Variants in CDH17 observed in about 807,000 individuals in gnomAD.
The protein encoded by CDH17 is cadherin-17.
CDH17 carries 67 observed loss-of-function variants against 86.3 expected under a neutral mutation model. The ratio of observed to expected loss-of-function variants is 0.78; its 90% confidence interval spans 0.64 to 0.95. The LOEUF is 0.95. CDH17 is among the 40% of genes least tolerant of loss of function. CDH17 has a pLI of 0.00. For synonymous variants in CDH17, 367 were observed against 366.4 expected (o/e 1.00, Z -0.02); for missense variants, 993 against 1,017.6 (o/e 0.98, Z 0.33).
Position 94,165,887 on chromosome 8 carries a change from G to T in CDH17, c.1156C>A (p.Pro386Thr). 1 of 1,613,774 alleles carries T rather than the reference G, an allele frequency of 6.2e-7. No homozygotes were observed. The highest frequency in any genetic ancestry group is 8.5e-7 in the Non-Finnish European group (1 of 1,179,776). ...AAGAGTCCATCCATGGGAAGTTTGG[G>T]AGTTTGCTCCACAATCCTGTAGTTT... is the stretch of plus-strand genomic sequence containing the variant. ...FLNYRIVEQT[P>T]KLPMDGLFLI... Residue 386 changes from proline to threonine, a missense_variant, in exon 10 of 18, where the codon CCC becomes ACC. By Grantham distance (38) the Pro-to-Thr change is conservative. Transcript: ENST00000027335.
chr8:94,191,005 C>T (rs1663016922), intron 2 of CDH17, among the ~76,000 whole-genome samples: 1 of 152,198 alleles, frequency 6.6e-6, no homozygotes, highest in South Asian at 2.1e-4. Context: ...CAAGCCCTCT[C>T]CTTTTCTTCC....
chr8:94,131,320 G>T (rs143615212), intron 15 of CDH17, among the ~76,000 whole-genome samples: 1 of 152,152 alleles, frequency 6.6e-6, no homozygotes, highest in Non-Finnish European at 1.5e-5. Context: ...GGAAAGACAG[G>T]GTTAGGTTTC....
intron 7 of CDH17, among the ~76,000 whole-genome samples, chr8:94,171,269 A>T (rs1813264964): frequency 6.6e-6 from 1 of 152,180 alleles, no homozygotes; most frequent in African/African-American, 2.4e-5. Context: ...TGGAAGTCTG[A>T]CTGTGAAAGC....
At chr8:94,180,943 CAAAAAAA>C (rs59930370) in intron 3 of CDH17, among the ~76,000 whole-genome samples, 1 of 69,782 alleles carries the variant, frequency 1.4e-5, no homozygotes, top group Non-Finnish European at 3.2e-5. Flanking sequence ...ACAAACAAAC[CAAAAAAA>C]AAAAAAAAAA....
intron 10 of CDH17, 75 bp from the exon 11 acceptor site, chr8:94,162,237 T>C (rs1813068135): frequency 1.0e-6 from 1 of 994,894 alleles, no homozygotes; most frequent in Non-Finnish European, 1.6e-6. Context: ...TGCAAGAAAA[T>C]ACTTGGCAAG....
chr8:94,134,513 AT>A (rs1179164552), intron 15 of CDH17, among the ~76,000 whole-genome samples: 2 of 151,988 alleles, frequency 1.3e-5, no homozygotes, highest in African/African-American at 2.4e-5. Flanking sequence ...TCCCTTTATC[AT>A]TTTTTTATTG....
chr8:94,197,070 C>T (rs1343939075), intron 1 of CDH17, among the ~76,000 whole-genome samples: 2 of 152,162 alleles, frequency 1.3e-5, no homozygotes, highest in East Asian at 1.9e-4. Flanking sequence ...CACTCGGGCA[C>T]CCCCCTCTAT....
chr8:94,179,880 C>A (rs1412184517), intron 3 of CDH17, among the ~76,000 whole-genome samples: 1 of 152,058 alleles, frequency 6.6e-6, no homozygotes, highest in Non-Finnish European at 1.5e-5. Context: ...CTAGAGTTGC[C>A]ACATCACATT....
At chr8:94,151,211 A>AGAT (rs1364706547) in intron 13 of CDH17, among the ~76,000 whole-genome samples, 1 of 152,124 alleles carries the variant, frequency 6.6e-6, no homozygotes, top group Non-Finnish European at 1.5e-5. Flanking sequence ...GATATTATAC[A>AGAT]GATATATACA....
rs183785186 is a variant in CDH17, at chr8:94,174,388, T to A, written c.425-128A>T. 139 of 888,284 alleles carry A rather than the reference T, an allele frequency of 1.6e-4. No individual in the cohort carries two copies. In the African/African-American group the frequency reaches 2.2e-3, roughly 14 times the overall value. 55.0% of individuals were successfully genotyped at this position (888,284 alleles called of 1,614,324 possible). Reference sequence around the variant, plus strand: ...GGAAAGGTATGACAATTCACACCAGTGGGGAAATAAATATTTATCCCACTC... The same window carrying A: ...GGAAAGGTATGACAATTCACACCAGAGGGGAAATAAATATTTATCCCACTC... On this transcript the variant is annotated intron_variant, in intron 5 of 17. Transcript: ENST00000027335.
intron 15 of CDH17, among the ~76,000 whole-genome samples, chr8:94,135,973 A>G (rs1812515328): frequency 6.6e-6 from 1 of 152,198 alleles, no homozygotes; most frequent in Admixed American, 6.5e-5. Flanking sequence ...AGAACGTTGA[A>G]TATTGGCCCC....
At chr8:94,129,716 A>G (rs868183453) in intron 17 of CDH17, among the ~76,000 whole-genome samples, 1 of 152,170 alleles carries the variant, frequency 6.6e-6, no homozygotes, top group African/African-American at 2.4e-5. Context: ...TAATCTGAAA[A>G]TCTCAAATCT....
At chr8:94,143,509 CTTT>C (rs138196219) in intron 15 of CDH17, among the ~76,000 whole-genome samples, 2,171 of 152,280 alleles carry the variant, frequency 0.014, 63 homozygotes, top group African/African-American at 0.049. Context: ...CCAGCCTGTC[CTTT>C]GAGGCTTTGA....
chr8:94,189,449 G>A (rs375144319), intron 2 of CDH17, among the ~76,000 whole-genome samples, 164 bp from the exon 3 acceptor site: 11 of 152,142 alleles, frequency 7.2e-5, no homozygotes, highest in South Asian at 2.1e-4. Context: ...GCTCTACCAC[G>A]TCAAAGTAGC....
chr8:94,170,282 T>G, intron 9 of CDH17, 115 bp downstream of exon 9: 1 of 1,061,392 alleles, frequency 9.4e-7, no homozygotes, highest in East Asian at 2.4e-5. Flanking sequence ...TCAACCTCTA[T>G]GCTGTGGAAG....
chr8:94,189,378 C>T, intron 2 of CDH17, 93 bp from the exon 3 acceptor site: 1 of 841,006 alleles, frequency 1.2e-6, no homozygotes, highest in Non-Finnish European at 1.9e-6. Flanking sequence ...ATATACAAAA[C>T]ATAGGATTCT....
At chr8:94,161,246 G>T (rs1451440040) in intron 11 of CDH17, among the ~76,000 whole-genome samples, 4 of 152,168 alleles carry the variant, frequency 2.6e-5, no homozygotes, top group Non-Finnish European at 5.9e-5. Context: ...TTTGATGCCT[G>T]CTGAACCTCA....
rs191560674 is a variant in CDH17 at position 94,145,037 on chromosome 8, C to T, written c.2167+891G>A. ...CTGGGAGAATGCTGAGCAACTGGAC[C>T]TCTCACACACTGGTGGGAATGTAAA... On this transcript the variant is annotated intron_variant, in intron 15 of 17. Transcript: ENST00000027335. 2.3e-3 allele frequency among the ~76,000 whole-genome samples: 348 copies of T among 152,290 alleles called. 1 individual carries two copies. Among genetic ancestry groups the T allele is most frequent in the Non-Finnish European group, 4.0e-3 (274 of 68,014 alleles).
At chr8:94,132,534 T>C (rs1812440115) in intron 15 of CDH17, among the ~76,000 whole-genome samples, 1 of 152,172 alleles carries the variant, frequency 6.6e-6, no homozygotes, top group Non-Finnish European at 1.5e-5. Context: ...TCTTGTAAAT[T>C]TGTTTGAGTT....
Sources: gnomAD v4.1 joint callset for allele counts (sites outside exome capture counted in the v4.1 genomes callset) on GRCh38, gnomAD v4.1.1 for gene constraint, MANE v1.5 for transcripts, NCBI Gene and HGNC (gene_info 2026-07-23, HGNC 2026-07-21) for gene names.